Variants in ALK observed in about 807,000 individuals in gnomAD.
ALK encodes ALK tyrosine kinase receptor.
Under a neutral mutation model 163.1 loss-of-function variants are expected in ALK, and 74 were observed. That is an observed-to-expected ratio of 0.45 (90% confidence interval 0.38 to 0.55). ALK has a LOEUF of 0.55. Among genes scored for constraint, ALK ranks in the 20% least tolerant of loss-of-function variants. The pLI is 0.00. For missense variants in ALK, 2,063 were observed against 2,105.3 expected, an observed-to-expected ratio of 0.98 and a Z score of 0.39; for synonymous variants, 960 against 843.2, an observed-to-expected ratio of 1.14 and a Z score of -2.40.
intron 1 of ALK, among the ~76,000 whole-genome samples, chr2:29,721,678 T>A (rs1199627219): frequency 6.6e-6 from 1 of 152,254 alleles, no homozygotes; most frequent in Non-Finnish European, 1.5e-5. Flanking sequence ...TGCCAGCCTC[T>A]TCACTTAGGT....
chr2:29,885,859 A>G (rs971116985), intron 1 of ALK, among the ~76,000 whole-genome samples: 1 of 152,214 alleles, frequency 6.6e-6, no homozygotes, highest in Non-Finnish European at 1.5e-5. Context: ...TGGAAGAAGA[A>G]TTGATATTGT....
At chr2:29,705,280 T>TATATAA (rs1553349839) in intron 2 of ALK, among the ~76,000 whole-genome samples, 2 of 34,230 alleles carry the variant, frequency 5.8e-5, no homozygotes, top group African/African-American at 2.3e-4. Flanking sequence ...TATATATATA[T>TATATAA]AAATATATAT....
At chr2:29,703,301 CTG>C (rs1217952507) in intron 2 of ALK, among the ~76,000 whole-genome samples, 1 of 152,164 alleles carries the variant, frequency 6.6e-6, no homozygotes. Flanking sequence ...ATGGTGATGT[CTG>C]TGATACCAAT....
intron 3 of ALK, among the ~76,000 whole-genome samples, chr2:29,611,111 G>A (rs1014050181): frequency 2.6e-5 from 4 of 152,272 alleles, no homozygotes; most frequent in Middle Eastern, 6.8e-3. Flanking sequence ...CAGACCAAAT[G>A]TGATACCCCT....
intron 4 of ALK, among the ~76,000 whole-genome samples, chr2:29,388,859 G>T (rs1669093787): frequency 2.0e-5 from 3 of 152,166 alleles, no homozygotes; most frequent in Non-Finnish European, 4.4e-5. Context: ...TTGGTTAAAT[G>T]CATCTTTATA....
At chr2:29,726,877 T>C (rs576502966) in intron 1 of ALK, among the ~76,000 whole-genome samples, 2 of 152,300 alleles carry the variant, frequency 1.3e-5, no homozygotes, top group South Asian at 4.1e-4. Context: ...CAAGGTCACA[T>C]TGCCAGTGAG....
intron 1 of ALK, among the ~76,000 whole-genome samples, chr2:29,892,048 C>G (rs915411164): frequency 2.0e-5 from 3 of 152,206 alleles, no homozygotes; most frequent in Non-Finnish European, 2.9e-5. Flanking sequence ...CCCTATTACT[C>G]TCTTGCAAAT....
intron 1 of ALK, among the ~76,000 whole-genome samples, chr2:29,732,357 G>C (rs897281064): frequency 1.3e-5 from 2 of 152,178 alleles, no homozygotes; most frequent in African/African-American, 4.8e-5. Context: ...CACCTACTCT[G>C]GGGTCCCAGA....
Position 29,618,378 on chromosome 2 carries a change from G to A in ALK, c.952+76472C>T, listed in dbSNP as rs189807853. ...AATTTTAATTTAAGATCTAAAACTC[G>A]GTGCTACCTTCAAGTTGTCATCAGT... is the stretch of plus-strand genomic sequence containing the variant. On this transcript the variant is annotated intron_variant, in intron 3 of 28. Transcript: ENST00000389048. Among the ~76,000 whole-genome samples the A allele has an allele frequency of 5.9e-5, 9 of 152,122 alleles. No individual in the cohort carries two copies. The South Asian group carries it at 1.5e-3, about 25-fold the overall frequency.
At chr2:29,573,830 A>C (rs1236114355) in intron 3 of ALK, among the ~76,000 whole-genome samples, 1 of 152,226 alleles carries the variant, frequency 6.6e-6, no homozygotes, top group Non-Finnish European at 1.5e-5. Context: ...ATACAAATAA[A>C]GACTGATTCA....
At chr2:29,209,239 C>G (rs17007682) in intron 25 of ALK, among the ~76,000 whole-genome samples, 1,715 of 152,218 alleles carry the variant, frequency 0.011, 33 homozygotes, top group African/African-American at 0.039. Flanking sequence ...GATGGACAAC[C>G]TAATTAAGAA....
At chr2:29,454,396 T>A (rs1030574460) in intron 4 of ALK, among the ~76,000 whole-genome samples, 2 of 152,240 alleles carry the variant, frequency 1.3e-5, no homozygotes, top group Admixed American at 6.5e-5. Context: ...ATGTAAGTGC[T>A]AGGTAAACAG....
chr2:29,236,125 A>G (rs1238650161), intron 13 of ALK, among the ~76,000 whole-genome samples: 1 of 151,406 alleles, frequency 6.6e-6, no homozygotes, highest in African/African-American at 2.4e-5. Context: ...TACGGGCATG[A>G]GCCATCACAC....
Position 29,209,885 on chromosome 2 carries a change from A to T in ALK, c.3744-7T>A. ...GTTTCTGGCAGCAATGTCTCTGGGA[A>T]GAAAGGAAATGCATTTCCTAATTTT... On this transcript the variant is annotated splice_region_variant and splice_polypyrimidine_tract_variant and intron_variant, in intron 24 of 28. Transcript: ENST00000389048. The T allele has an allele frequency of 6.2e-7, 1 of 1,612,794 alleles. No individual in the cohort carries two copies. Among genetic ancestry groups the T allele is most frequent in the Non-Finnish European group, 8.5e-7 (1 of 1,178,766 alleles).
rs556118665 is a variant in ALK, at chr2:29,206,464, G to A, written c.3938+707C>T. Among the ~76,000 whole-genome samples the A allele has an allele frequency of 5.3e-5, 8 of 152,118 alleles. No individual in the cohort carries two copies. In the South Asian group the frequency reaches 1.7e-3, roughly 32 times the overall value. ...TTTTAAAATTTATGGTAGAGATGGG[G>A]CCTTGCTATGCTACCCAGGCTGGTC... On this transcript the variant is annotated intron_variant, in intron 26 of 28. Transcript: ENST00000389048.
At chr2:29,548,225 G>A (rs1363492936) in intron 3 of ALK, among the ~76,000 whole-genome samples, 1 of 152,190 alleles carries the variant, frequency 6.6e-6, no homozygotes, top group East Asian at 1.9e-4. Context: ...TGTAATCCCA[G>A]CACTTTGGGA....
At chr2:29,597,583 A>C (rs1197872743) in intron 3 of ALK, among the ~76,000 whole-genome samples, 1 of 152,208 alleles carries the variant, frequency 6.6e-6, no homozygotes, top group Non-Finnish European at 1.5e-5. Context: ...GGGAAGAAAA[A>C]ACCTGACAAC....
intron 1 of ALK, among the ~76,000 whole-genome samples, chr2:29,861,377 G>T (rs1342000586): frequency 6.6e-6 from 1 of 151,904 alleles, no homozygotes; most frequent in Non-Finnish European, 1.5e-5. Flanking sequence ...TTTTAAAAAG[G>T]TAAACAGAAT....
At chr2:29,487,173 A>C (rs1671795006) in intron 4 of ALK, among the ~76,000 whole-genome samples, 1 of 152,242 alleles carries the variant, frequency 6.6e-6, no homozygotes, top group South Asian at 2.1e-4. Flanking sequence ...AAAAGTAGAC[A>C]AAATTGGATT....
Sources: allele counts gnomAD v4.1 joint callset (sites outside exome capture counted in the v4.1 genomes callset), GRCh38; gene constraint gnomAD v4.1.1; transcripts MANE v1.5; gene names NCBI Gene and HGNC (gene_info 2026-07-23, HGNC 2026-07-21).